Variants in DEUP1 observed in about 807,000 individuals in gnomAD.
The protein encoded by DEUP1 is coiled-coil domain containing 67.
DEUP1 carries 82 observed loss-of-function variants against 87.4 expected under a neutral mutation model. The ratio of observed to expected loss-of-function variants is 0.94; its 90% CI spans 0.78 to 1.13. The LOEUF (loss-of-function observed/expected upper bound fraction) is 1.13, where lower values mean the gene tolerates loss of function less well. Among genes scored for constraint, DEUP1 ranks in the 50% most tolerant of loss-of-function variants. The pLI is 0.00. For synonymous variants in DEUP1, 214 were observed against 222.7 expected, an observed-to-expected ratio of 0.96 and a Z score of 0.35; for missense variants, 663 against 681.5, an observed-to-expected ratio of 0.97 and a Z score of 0.30.
At chr11:93,354,500 A>T (rs1208746672) in intron 2 of DEUP1, among the ~76,000 whole-genome samples, 1 of 152,138 alleles carries the variant, frequency 6.6e-6, no homozygotes, top group Admixed American at 6.5e-5. Flanking sequence ...TACTGGTACC[A>T]ATTTACTGTA....
rs985884272 is a variant in DEUP1, at chr11:93,355,033, C to T, written c.30-338C>T. Among the ~76,000 whole-genome samples the T allele has an allele frequency of 2.8e-4, 43 of 152,294 alleles. 1 individual carries two copies. Among genetic ancestry groups the T allele is most frequent in the Middle Eastern group, 3.4e-3 (1 of 294 alleles). On this transcript the variant is annotated intron_variant, in intron 2 of 13. Transcript: ENST00000298050. ...GATATCCCAGTTTGCCTCTGTCAAA[C>T]CTTCTGAAGTTATGATAGACATAGG...
chr11:93,436,013 ATT>A (rs1179680084), intron 13 of DEUP1, among the ~76,000 whole-genome samples: 8 of 130,516 alleles, frequency 6.1e-5, no homozygotes, highest in South Asian at 2.4e-4. Flanking sequence ...AAAAAAAAAA[ATT>A]TTTTCTGTGT....
rs1591161277 is a variant in DEUP1, at chr11:93,370,911, C to A, written c.547-127C>A. The A allele has an allele frequency of 4.8e-6, 4 of 840,360 alleles. No individual in the cohort carries two copies. In the African/African-American group the frequency reaches 6.9e-5, roughly 15 times the overall value. The allele number at this position is 840,360 out of a possible 1,614,324, so 52.1% of individuals were successfully genotyped here. ...AAATATAAGACTGAATTACAAAGAC[C>A]CAACTTTCATTATGTAGTAACATAT... On this transcript the variant is annotated intron_variant, in intron 6 of 13. Coordinates refer to ENST00000298050, the MANE Select transcript of DEUP1 (RefSeq NM_181645.4).
intron 8 of DEUP1, among the ~76,000 whole-genome samples, chr11:93,386,185 G>A (rs186253347): frequency 1.3e-5 from 2 of 152,054 alleles, no homozygotes; most frequent in East Asian, 3.9e-4. Context: ...ATTTTCACTT[G>A]TACATATTGT....
intron 12 of DEUP1, 147 bp from the exon 13 acceptor site, chr11:93,414,853 C>A: frequency 2.4e-6 from 1 of 413,358 alleles, no homozygotes; most frequent in Non-Finnish European, 4.4e-6. Context: ...TCAGGAAAGT[C>A]ATATTCAAAG....
rs72972323 is a variant in DEUP1 at position 93,371,750 on chromosome 11, G to A, written c.789+470G>A. 1.8e-3 allele frequency among the ~76,000 whole-genome samples: 281 copies of A among 152,126 alleles called. 2 individuals carry two copies. The highest frequency in any genetic ancestry group is 6.8e-3 in the Middle Eastern group (2 of 294). On this transcript the variant is annotated intron_variant, in intron 7 of 13. Transcript: ENST00000298050. ...TAATCATTTATCAAACAGTAACCTAGAATTTATTTTTAGGTAACTTTCACA... is the reference window on the plus strand; with the variant it reads ...TAATCATTTATCAAACAGTAACCTAAAATTTATTTTTAGGTAACTTTCACA...
chr11:93,401,744 A>C (rs1050757627), intron 11 of DEUP1, among the ~76,000 whole-genome samples: 9 of 152,092 alleles, frequency 5.9e-5, no homozygotes, highest in African/African-American at 2.2e-4. Flanking sequence ...ATTTTCAAGA[A>C]TATACAATAG....
At chr11:93,376,153 A>C (rs542806980) in intron 7 of DEUP1, among the ~76,000 whole-genome samples, 14 of 152,184 alleles carry the variant, frequency 9.2e-5, no homozygotes, top group African/African-American at 3.1e-4. Flanking sequence ...GTTGTTGGCC[A>C]GGCTGGTCTC....
intron 13 of DEUP1, among the ~76,000 whole-genome samples, chr11:93,417,023 C>T (rs867268525): frequency 5.9e-5 from 9 of 151,562 alleles, no homozygotes; most frequent in South Asian, 2.1e-4. Flanking sequence ...ATACATGGGA[C>T]GTATCTCAAA....
chr11:93,400,749 C>T (rs2134388931), intron 11 of DEUP1, among the ~76,000 whole-genome samples: 1 of 152,058 alleles, frequency 6.6e-6, no homozygotes, highest in Non-Finnish European at 1.5e-5. Flanking sequence ...AAAATGGTGG[C>T]ATGAAAGCAA....
At chr11:93,357,104 A>G (rs1944931961) in intron 4 of DEUP1, 61 bp downstream of exon 4, 1 of 1,018,562 alleles carries the variant, frequency 9.8e-7, no homozygotes, top group Non-Finnish European at 1.4e-6. Context: ...TTACCTGTAG[A>G]GTTGTGTTAA....
intron 7 of DEUP1, among the ~76,000 whole-genome samples, chr11:93,377,301 T>C (rs1946083954): frequency 6.6e-6 from 1 of 152,210 alleles, no homozygotes; most frequent in Non-Finnish European, 1.5e-5. Context: ...GCTCCAGTGT[T>C]AGGTGCATAT....
intron 12 of DEUP1, among the ~76,000 whole-genome samples, chr11:93,413,241 A>ATTTT (rs11331603): frequency 2.5e-5 from 3 of 118,042 alleles, no homozygotes; most frequent in African/African-American, 9.4e-5. Flanking sequence ...GTCTTTGATG[A>ATTTT]TTTTTTTTTT....
At chr11:93,349,460 T>A (rs1239204246) in intron 2 of DEUP1, among the ~76,000 whole-genome samples, 1 of 152,182 alleles carries the variant, frequency 6.6e-6, no homozygotes, top group African/African-American at 2.4e-5. Flanking sequence ...GTGATCTCCA[T>A]CTGGTTAAAT....
At chr11:93,402,182 A>C (rs1947139247) in intron 11 of DEUP1, among the ~76,000 whole-genome samples, 1 of 152,066 alleles carries the variant, frequency 6.6e-6, no homozygotes, top group African/African-American at 2.4e-5. Flanking sequence ...ATTTGATTTA[A>C]TAATGGCCAA....
rs1405441332 is a variant in DEUP1, at chr11:93,408,262, G to A, written c.1358G>A (p.Arg453Lys). 2 of 1,582,662 alleles carry A rather than the reference G, an allele frequency of 1.3e-6. No individual in the cohort carries two copies. The highest frequency in any genetic ancestry group is 1.7e-6 in the Non-Finnish European group (2 of 1,163,422). ...GACTTCACTAACAGGGAACAGTCAA[G>A]GCATACATCTATTAATAAACTGCAA... is the stretch of plus-strand genomic sequence containing the variant. Reference protein sequence around the residue: ...SMDFTNREQSRHTSINKLQYE... With the variant: ...SMDFTNREQSKHTSINKLQYE... Residue 453 changes from arginine (R) to lysine (K), a missense_variant, in exon 12 of 14, where the codon AGG becomes AAG. Transcript: ENST00000298050.
rs764421479 is a variant in DEUP1, at chr11:93,385,561, G to C, written c.935+18G>C. On this transcript the variant is annotated intron_variant, in intron 8 of 13. Coordinates refer to ENST00000298050, the MANE Select transcript of DEUP1 (RefSeq NM_181645.4). ...AAAACAAGGTATAATCTTTATATTT[G>C]ACAATCTGAGAGAACTGTTCAAAAC... is the stretch of plus-strand genomic sequence containing the variant. 1.3e-6 allele frequency: 2 copies of C among 1,566,442 alleles called. No homozygotes were observed. The highest frequency in any genetic ancestry group is 2.4e-5 in the South Asian group (2 of 84,830).
chr11:93,401,676 T>C (rs933911008), intron 11 of DEUP1, among the ~76,000 whole-genome samples: 2 of 151,656 alleles, frequency 1.3e-5, no homozygotes, highest in Non-Finnish European at 3.0e-5. Flanking sequence ...ATAACCACAA[T>C]GAGATACCAC....
chr11:93,383,680 C>A, intron 7 of DEUP1: 1 of 622,326 alleles, frequency 1.6e-6, no homozygotes, highest in Non-Finnish European at 2.9e-6. Context: ...AATGAATATT[C>A]AGTATATCTA....
Sources: gnomAD v4.1 joint callset for allele counts (sites outside exome capture counted in the v4.1 genomes callset) on GRCh38, gnomAD v4.1.1 for gene constraint, MANE v1.5 for transcripts, NCBI Gene and HGNC (gene_info 2026-07-23, HGNC 2026-07-21) for gene names.